Variants in MPV17L observed in about 807,000 individuals in gnomAD.
MPV17L encodes mpv17-like protein.
MPV17L carries 24 observed loss-of-function variants against 25.8 expected under a neutral mutation model. The ratio of observed to expected loss-of-function variants is 0.93; its 90% confidence interval spans 0.67 to 1.31. The LOEUF is 1.31. Among genes scored for constraint, MPV17L ranks in the 50% most tolerant of loss-of-function variants. The pLI is 0.00. For synonymous variants in MPV17L, 102 were observed against 115.3 expected (o/e 0.88, Z 0.74); for missense variants, 250 against 265.6 (o/e 0.94, Z 0.41).
rs2050721992 is a variant in MPV17L, at chr16:15,410,268, AC to A, written c.*2157del. ...GGAGTTTGAGACCAGCCTGGGCAATACAGCAAGATCCCATCTCTATTTTAAA... is the reference window on the plus strand; with the variant it reads ...GGAGTTTGAGACCAGCCTGGGCAATAAGCAAGATCCCATCTCTATTTTAAA... On this transcript the variant is annotated 3_prime_UTR_variant, in exon 4 of 4. Transcript: ENST00000396385. 6.6e-6 allele frequency: 1 copy of A among 152,216 alleles called. No homozygotes were observed. The highest frequency in any genetic ancestry group is 6.6e-5 in the Admixed American group (1 of 15,252). 9.4% of individuals were successfully genotyped at this position (152,216 alleles called of 1,614,324 possible).
chr16:15,395,841 G>C lies in MPV17L; in HGVS notation c.-57G>C, dbSNP rs1180874292. ...CTGGAGGCTGGGGAGGCCCGGACCC[G>C]GTGCAGGAAGACGCCGACCACGCGG... On this transcript the variant is annotated 5_prime_UTR_variant, in exon 1 of 4. Coordinates refer to ENST00000396385, the MANE Select transcript of MPV17L (RefSeq NM_001128423.2). 4.4e-6 allele frequency: 6 copies of C among 1,349,306 alleles called. No homozygotes were observed. The highest frequency in any genetic ancestry group is 4.7e-6 in the Non-Finnish European group (5 of 1,054,584). The allele number at this position is 1,349,306 out of a possible 1,614,324, so 83.6% of individuals were successfully genotyped here. A position where few individuals can be genotyped will look rare whatever the true frequency, so the allele number is the denominator to read the frequency against.
intron 2 of MPV17L, among the ~76,000 whole-genome samples, chr16:15,404,331 A>G (rs1024322103): frequency 2.0e-5 from 3 of 152,160 alleles, no homozygotes; most frequent in African/African-American, 7.2e-5. Context: ...GAGGATCTTG[A>G]ACTTCACAGT....
chr16:15,404,558 C>T (rs534536304), intron 2 of MPV17L, among the ~76,000 whole-genome samples: 10 of 152,182 alleles, frequency 6.6e-5, no homozygotes, highest in Middle Eastern at 3.4e-3. Flanking sequence ...TGGTGGCTCA[C>T]GCCTGTAATC....
At chr16:15,400,957 TAAAA>T in intron 2 of MPV17L, 100 bp downstream of exon 2, 4 of 775,968 alleles carry the variant, frequency 5.2e-6, no homozygotes, top group Non-Finnish European at 7.1e-6. Context: ...TTATAAAGAT[TAAAA>T]AATCTTTTAA....
In MPV17L at chr16:15,397,896, A is replaced by AGGTCTG. The variant is rs559470580; in HGVS notation, c.310+1690_310+1695dup. On this transcript the variant is annotated intron_variant, in intron 1 of 3. Coordinates refer to ENST00000396385, the MANE Select transcript of MPV17L (RefSeq NM_001128423.2). The stretch of plus-strand genomic sequence containing the variant: ...AGCTAGGGCCTCCTGTTTTATCAGA[A>AGGTCTG]GGTCTGTGCCTGTGCCCGGTGTGTG... Among the ~76,000 whole-genome samples the AGGTCTG allele has an allele frequency of 6.2e-3, 942 of 152,248 alleles. 7 individuals carry two copies. Among genetic ancestry groups the AGGTCTG allele is most frequent in the African/African-American group, 0.022 (916 of 41,546 alleles).
chr16:15,405,932 T>C (rs1266214334), intron 2 of MPV17L, among the ~76,000 whole-genome samples: 1 of 151,938 alleles, frequency 6.6e-6, no homozygotes, highest in African/African-American at 2.4e-5. Flanking sequence ...CTCACGCCTG[T>C]AATCCCAGCA....
At chr16:15,399,749 C>T (rs527436338) in intron 1 of MPV17L, among the ~76,000 whole-genome samples, 49 of 152,190 alleles carry the variant, frequency 3.2e-4, no homozygotes, top group African/African-American at 1.1e-3. Flanking sequence ...TTTGGGTCCA[C>T]TGGCCTTTTT....
At chr16:15,403,051 A>C (rs1291159939) in intron 2 of MPV17L, among the ~76,000 whole-genome samples, 2 of 151,036 alleles carry the variant, frequency 1.3e-5, no homozygotes, top group Non-Finnish European at 2.9e-5. Flanking sequence ...GGAGATATGT[A>C]CATCTAACTT....
chr16:15,400,873 G>GA lies in MPV17L; in HGVS notation c.381+20dup, dbSNP rs2050628620. On this transcript the variant is annotated intron_variant, in intron 2 of 3. Coordinates refer to ENST00000396385, the MANE Select transcript of MPV17L (RefSeq NM_001128423.2). ...TACCTATCTGGTAAGATAGGCGTTT[G>GA]AAAATGTAATCACTATATTTTTGTG... 1 of 1,552,778 alleles carries GA rather than the reference G, an allele frequency of 6.4e-7. No individual in the cohort carries two copies. The highest frequency in any genetic ancestry group is 1.2e-5 in the South Asian group (1 of 84,242).
intron 3 of MPV17L, 21 bp downstream of exon 3, chr16:15,407,874 A>G (rs755460574): frequency 1.2e-6 from 2 of 1,613,454 alleles, no homozygotes; most frequent in Admixed American, 3.3e-5. Context: ...CCTACTCAGT[A>G]ATATGAACTC....
intron 1 of MPV17L, among the ~76,000 whole-genome samples, chr16:15,398,264 G>A (rs1413572978): frequency 2.6e-5 from 4 of 151,938 alleles, no homozygotes; most frequent in Admixed American, 6.6e-5. Context: ...GGCTGGTCTC[G>A]AACTCCTGAC....
intron 1 of MPV17L, among the ~76,000 whole-genome samples, chr16:15,398,176 T>G (rs1047839508): frequency 9.2e-5 from 14 of 152,168 alleles, no homozygotes; most frequent in African/African-American, 3.4e-4. Flanking sequence ...ACCAAGTAGC[T>G]GGGATTACAG....
At chr16:15,400,965 CTT>C in intron 2 of MPV17L, 108 bp downstream of exon 2, 2 of 670,066 alleles carry the variant, frequency 3.0e-6, no homozygotes, top group Non-Finnish European at 4.2e-6. Flanking sequence ...ATTAAAAAAT[CTT>C]TTAATTGACA....
At chr16:15,401,088 T>TATATA (rs56114822) in intron 2 of MPV17L, among the ~76,000 whole-genome samples, 100 of 55,666 alleles carry the variant, frequency 1.8e-3, no homozygotes, top group African/African-American at 3.4e-3. Context: ...ATATATATAT[T>TATATA]TTTTTTTTTT....
chr16:15,399,232 A>G (rs1192614419), intron 1 of MPV17L, among the ~76,000 whole-genome samples: 1 of 152,144 alleles, frequency 6.6e-6, no homozygotes, highest in Non-Finnish European at 1.5e-5. Context: ...AGTGGAACAC[A>G]GTATTACCAA....
chr16:15,412,028 A>G lies in MPV17L; in HGVS notation c.*3916A>G, dbSNP rs1427420515. ...AAAAATCATGCATCATTCACAATTT[A>G]TCAGTCTTTTTTGTTTGTACAAAAA... On this transcript the variant is annotated 3_prime_UTR_variant, in exon 4 of 4. Coordinates refer to ENST00000396385, the MANE Select transcript of MPV17L (RefSeq NM_001128423.2). The G allele has an allele frequency of 6.6e-6, 1 of 152,216 alleles. No individual in the cohort carries two copies. The highest frequency in any genetic ancestry group is 2.1e-4 in the South Asian group (1 of 4,836). 9.4% of individuals were successfully genotyped at this position (152,216 alleles called of 1,614,324 possible). A position where few individuals can be genotyped will look rare whatever the true frequency, so the allele number is the denominator to read the frequency against.
Position 15,408,260 on chromosome 16 carries a change from G to T in MPV17L, c.*148G>T, listed in dbSNP as rs1229698390. ...ACCCACTTTTTAAAAAATTATCAATGATTATTTTTGAATTGTATTCAGACT... is the reference window on the plus strand; with the variant it reads ...ACCCACTTTTTAAAAAATTATCAATTATTATTTTTGAATTGTATTCAGACT... On this transcript the variant is annotated 3_prime_UTR_variant, in exon 4 of 4. Coordinates refer to ENST00000396385, the MANE Select transcript of MPV17L (RefSeq NM_001128423.2). 2 of 590,464 alleles carry T rather than the reference G, an allele frequency of 3.4e-6. No homozygotes were observed. Among genetic ancestry groups the T allele is most frequent in the Admixed American group, 3.3e-5 (1 of 30,574 alleles). 36.6% of individuals were successfully genotyped at this position (590,464 alleles called of 1,614,324 possible).
At chr16:15,400,487 A>T (rs747724376) in intron 1 of MPV17L, among the ~76,000 whole-genome samples, 8 of 151,386 alleles carry the variant, frequency 5.3e-5, no homozygotes, top group Admixed American at 1.3e-4. Context: ...AGTAGCTATG[A>T]CTACAGGCAC....
In MPV17L at chr16:15,411,885, T is replaced by C. The variant is rs938883566; in HGVS notation, c.*3773T>C. On this transcript the variant is annotated 3_prime_UTR_variant, in exon 4 of 4. Coordinates refer to ENST00000396385, the MANE Select transcript of MPV17L (RefSeq NM_001128423.2). ...GAGAATCGCTTGAACCTGGGAGGCA[T>C]AGGTTGTAGTGAGCCGATAAATATA... The C allele has an allele frequency of 3.9e-5, 6 of 152,050 alleles. No homozygotes were observed. Among genetic ancestry groups the C allele is most frequent in the Non-Finnish European group, 5.9e-5 (4 of 68,028 alleles). The allele number at this position is 152,050 out of a possible 1,614,324, so 9.4% of individuals were successfully genotyped here.
Sources: allele counts gnomAD v4.1 joint callset (sites outside exome capture counted in the v4.1 genomes callset), GRCh38; gene constraint gnomAD v4.1.1; transcripts MANE v1.5; gene names NCBI Gene and HGNC (gene_info 2026-07-23, HGNC 2026-07-21).